ANO4: variants seen among roughly 807,000 people sequenced by gnomAD.
ANO4 encodes anoctamin 4.
Under a neutral mutation model 141.9 loss-of-function variants are expected in ANO4, and 69 were observed. That is an observed-to-expected ratio of 0.49 (90% CI 0.40 to 0.59). ANO4 has a LOEUF of 0.59. Ranked by LOEUF, ANO4 falls within the 20% of genes least tolerant of loss-of-function variation. ANO4 has a pLI of 0.00. For missense variants in ANO4, 894 were observed against 1,162.2 expected, an observed-to-expected ratio of 0.77 and a Z score of 3.36; for synonymous variants, 350 against 394.3, an observed-to-expected ratio of 0.89 and a Z score of 1.33.
intron 3 of ANO4, among the ~76,000 whole-genome samples, chr12:100,744,565 C>T (rs780806854): frequency 1.3e-5 from 2 of 152,078 alleles, no homozygotes; most frequent in African/African-American, 4.8e-5. Context: ...AATGCCATCA[C>T]GCTGGAATTA....
chr12:100,733,978 A>C lies in ANO4; in HGVS notation c.106+121A>C, dbSNP rs2031502625. 3 of 587,590 alleles carry C rather than the reference A, an allele frequency of 5.1e-6. No individual in the cohort carries two copies. The South Asian group carries it at 6.3e-5, about 12-fold the overall frequency. The allele number at this position is 587,590 out of a possible 1,614,324, so 36.4% of individuals were successfully genotyped here. ...TATAAATGCATAGGCATTTATTTTC[A>C]GAATCAGAGCAATTGCTTGTGGACT... On this transcript the variant is annotated intron_variant, in intron 2 of 29. Transcript: ENST00000644049.
chr12:101,075,716 A>AAGATACATATATCTTTATATAAAACAAAG, intron 14 of ANO4, among the ~76,000 whole-genome samples: 1 of 142,726 alleles, frequency 7.0e-6, no homozygotes, highest in East Asian at 2.0e-4. Flanking sequence ...ATATAAAACA[A>AAGATACATATATCTTTATATAAAACAAAG]ATATATATAT....
chr12:100,860,367 G>A (rs1459850463), intron 1 of ANO4, among the ~76,000 whole-genome samples: 1 of 152,180 alleles, frequency 6.6e-6, no homozygotes, highest in Non-Finnish European at 1.5e-5. Context: ...ATTCTAAGGT[G>A]TTGGGAAATT....
At chr12:100,928,649 G>A (rs902635186) in intron 3 of ANO4, among the ~76,000 whole-genome samples, 3 of 152,124 alleles carry the variant, frequency 2.0e-5, no homozygotes, top group Non-Finnish European at 4.4e-5. Flanking sequence ...CTCACTTTAT[G>A]TTATGGAAAG....
chr12:100,990,628 C>A (rs775706454), intron 8 of ANO4, among the ~76,000 whole-genome samples: 3 of 152,098 alleles, frequency 2.0e-5, no homozygotes, highest in African/African-American at 7.2e-5. Flanking sequence ...ATAAACAATA[C>A]TCAGTTTGGA....
At chr12:100,925,957 G>T (rs190500351) in intron 3 of ANO4, among the ~76,000 whole-genome samples, 1 of 151,574 alleles carries the variant, frequency 6.6e-6, no homozygotes. Flanking sequence ...GGGGTAGGCT[G>T]GCCATGATGG....
At chr12:101,094,153 T>A in intron 17 of ANO4, 103 bp from the exon 18 acceptor site, 1 of 900,538 alleles carries the variant, frequency 1.1e-6, no homozygotes, top group Non-Finnish European at 1.8e-6. Context: ...GGATGCTTAA[T>A]GAAATTATTT....
chr12:100,888,515 A>C (rs2039948574), intron 1 of ANO4, among the ~76,000 whole-genome samples: 1 of 152,242 alleles, frequency 6.6e-6, no homozygotes, highest in Admixed American at 6.5e-5. Context: ...GGCTTTCCAA[A>C]TGGCTAGGGC....
chr12:100,988,871 A>AG (rs2044882634), intron 8 of ANO4, among the ~76,000 whole-genome samples: 1 of 104,190 alleles, frequency 9.6e-6, no homozygotes, highest in South Asian at 3.4e-4. Context: ...ACTCTGTCTC[A>AG]GAAAAAAAAA....
intron 9 of ANO4, among the ~76,000 whole-genome samples, chr12:101,031,673 A>G (rs935373637): frequency 1.3e-5 from 2 of 152,188 alleles, no homozygotes; most frequent in African/African-American, 4.8e-5. Flanking sequence ...GATTGTATAT[A>G]TAGAAAACTC....
At chr12:100,919,738 A>G (rs919567852) in intron 2 of ANO4, among the ~76,000 whole-genome samples, 2 of 105,772 alleles carry the variant, frequency 1.9e-5, no homozygotes, top group Non-Finnish European at 3.5e-5. Context: ...GTATGTATGT[A>G]TCTATCTATC....
intron 1 of ANO4, among the ~76,000 whole-genome samples, chr12:100,729,152 T>C (rs1458698904): frequency 6.6e-6 from 1 of 152,046 alleles, no homozygotes; most frequent in Non-Finnish European, 1.5e-5. Flanking sequence ...TTCAGTTTGC[T>C]CCTTTCATTC....
At chr12:101,022,698 A>G (rs1398793181) in intron 9 of ANO4, among the ~76,000 whole-genome samples, 3 of 152,204 alleles carry the variant, frequency 2.0e-5, no homozygotes, top group Non-Finnish European at 2.9e-5. Context: ...TCCAAATGGC[A>G]TCTTCACTAA....
At chr12:100,760,653 C>G (rs1402081395) in intron 3 of ANO4, among the ~76,000 whole-genome samples, 1 of 152,168 alleles carries the variant, frequency 6.6e-6, no homozygotes, top group Non-Finnish European at 1.5e-5. Context: ...CCCCTCTAGT[C>G]TTGTAAAACG....
At chr12:100,990,022 T>TGGATGGAC (rs1440385025) in intron 8 of ANO4, among the ~76,000 whole-genome samples, 25 of 151,772 alleles carry the variant, frequency 1.6e-4, no homozygotes, top group South Asian at 2.1e-4. Context: ...GATGGATGGA[T>TGGATGGAC]GGACAGATGG....
intron 5 of ANO4, among the ~76,000 whole-genome samples, chr12:100,947,103 C>G (rs952617686): frequency 6.6e-6 from 1 of 151,982 alleles, no homozygotes; most frequent in African/African-American, 2.4e-5. Context: ...ACAGTTCTTT[C>G]AATATGTTTC....
At chr12:101,090,247 G>A (rs1593243185) in intron 17 of ANO4, among the ~76,000 whole-genome samples, 1 of 152,086 alleles carries the variant, frequency 6.6e-6, no homozygotes, top group Non-Finnish European at 1.5e-5. Flanking sequence ...CCCATTACTG[G>A]GCATATACCC....
At chr12:100,985,526 T>C (rs2044670980) in intron 7 of ANO4, among the ~76,000 whole-genome samples, 2 of 152,204 alleles carry the variant, frequency 1.3e-5, no homozygotes, top group African/African-American at 2.4e-5. Context: ...TTGCTGTTAA[T>C]ATTAACAGAG....
chr12:101,088,611 A>G (rs1348680910), intron 17 of ANO4, among the ~76,000 whole-genome samples: 1 of 151,956 alleles, frequency 6.6e-6, no homozygotes, highest in East Asian at 1.9e-4. Context: ...TGTTGTTGCT[A>G]TTTTTTGTAG....
Sources: gnomAD v4.1 joint callset for allele counts (sites outside exome capture counted in the v4.1 genomes callset) on GRCh38, gnomAD v4.1.1 for gene constraint, MANE v1.5 for transcripts, NCBI Gene and HGNC (gene_info 2026-07-23, HGNC 2026-07-21) for gene names.